The following TCAIM variants were observed in gnomAD, a reference collection of about 807,000 sequenced individuals.
The protein encoded by TCAIM is T cell activation inhibitor, mitochondrial, also known as T-cell activation inhibitor, mitochondrial.
Under a neutral mutation model 58.6 loss-of-function variants are expected in TCAIM, and 36 were observed. The ratio of observed to expected loss-of-function variants is 0.61; its 90% confidence interval spans 0.47 to 0.81. The LOEUF is 0.81. Among genes scored for constraint, TCAIM ranks in the 30% least tolerant of loss-of-function variants. TCAIM has a pLI of 0.00. For missense variants in TCAIM, 466 were observed against 579.6 expected (o/e 0.80, Z 2.01); for synonymous variants, 172 against 193.6 (o/e 0.89, Z 0.93).
intron 1 of TCAIM, among the ~76,000 whole-genome samples, chr3:44,354,108 G>C (rs887637370): frequency 6.6e-6 from 1 of 152,172 alleles, no homozygotes; most frequent in Non-Finnish European, 1.5e-5. Context: ...TGTAAGGTCT[G>C]TGTCCAGGTT....
intron 6 of TCAIM, among the ~76,000 whole-genome samples, chr3:44,393,292 T>C (rs1377477339): frequency 2.0e-5 from 3 of 151,544 alleles, no homozygotes. Flanking sequence ...ACCCCATCTC[T>C]ACAAAAACTT....
At chr3:44,387,319 C>T (rs57489475) in intron 5 of TCAIM, among the ~76,000 whole-genome samples, 21,092 of 152,244 alleles carry the variant, frequency 0.14, 1,511 homozygotes, top group Admixed American at 0.17. Context: ...TGTCCACATA[C>T]TTCATTCTTC....
At chr3:44,391,990 A>C (rs573239497) in intron 5 of TCAIM, among the ~76,000 whole-genome samples, 5 of 152,194 alleles carry the variant, frequency 3.3e-5, no homozygotes, top group Admixed American at 6.5e-5. Context: ...TATTAGTTCT[A>C]CCCTCCCATA....
chr3:44,387,775 C>G (rs1029376242), intron 5 of TCAIM, among the ~76,000 whole-genome samples: 2 of 152,214 alleles, frequency 1.3e-5, no homozygotes, highest in Admixed American at 1.3e-4. Flanking sequence ...CAGGCAAAGA[C>G]ACTACCAACC....
At chr3:44,401,991 C>G (rs1157291810) in intron 10 of TCAIM, among the ~76,000 whole-genome samples, 3 of 151,928 alleles carry the variant, frequency 2.0e-5, no homozygotes, top group Admixed American at 6.6e-5. Flanking sequence ...CGAGATCATG[C>G]CACTGCACTC....
chr3:44,373,535 T>A (rs765378154), intron 5 of TCAIM, among the ~76,000 whole-genome samples: 3 of 150,726 alleles, frequency 2.0e-5, no homozygotes, highest in Non-Finnish European at 2.9e-5. Flanking sequence ...ATGCCTGTAG[T>A]CCCAGCTACT....
intron 1 of TCAIM, among the ~76,000 whole-genome samples, chr3:44,345,465 G>A (rs1028862840): frequency 1.3e-5 from 2 of 152,086 alleles, no homozygotes; most frequent in Non-Finnish European, 2.9e-5. Context: ...GTTTTTTTAT[G>A]TTGTCATATA....
At chr3:44,367,786 C>A (rs866593493) in intron 5 of TCAIM, 78 bp downstream of exon 5, 44 of 1,357,774 alleles carry the variant, frequency 3.2e-5, no homozygotes, top group Non-Finnish European at 2.5e-5. Flanking sequence ...ATGGCAAAAA[C>A]ATTTTTTTAT....
At chr3:44,368,990 T>G (rs1701422730) in intron 5 of TCAIM, among the ~76,000 whole-genome samples, 1 of 152,104 alleles carries the variant, frequency 6.6e-6, no homozygotes, top group African/African-American at 2.4e-5. Context: ...GCCACTGCAC[T>G]CCAGCCTGGG....
intron 3 of TCAIM, among the ~76,000 whole-genome samples, chr3:44,360,201 C>T (rs953140030): frequency 2.0e-5 from 3 of 151,898 alleles, no homozygotes; most frequent in East Asian, 1.9e-4. Flanking sequence ...TTTCCATGTA[C>T]CCTATTTCCT....
intron 1 of TCAIM, among the ~76,000 whole-genome samples, chr3:44,342,011 TCA>T (rs1700863954): frequency 6.6e-6 from 1 of 152,214 alleles, no homozygotes; most frequent in Admixed American, 6.5e-5. Flanking sequence ...CCAGATAACT[TCA>T]GTGAGCATCA....
chr3:44,400,513 T>C lies in TCAIM; in HGVS notation c.1044T>C (p.Phe348=). Reference sequence around the variant, plus strand: ...AATATTACTCTCTTCTTGATGTGTTTTATAATAGACTGTTGAAAAGTAGAA... The same window carrying C: ...AATATTACTCTCTTCTTGATGTGTTCTATAATAGACTGTTGAAAAGTAGAA... ...LEEYYSLLDV[F]YNRLLKSRIL... The change falls in exon 9 of 11, where the codon TTT becomes TTC. Residue 348 remains phenylalanine, a synonymous_variant. Transcript: ENST00000342649. 1 of 1,613,806 alleles carries C rather than the reference T, an allele frequency of 6.2e-7. No individual in the cohort carries two copies. The highest frequency in any genetic ancestry group is 1.7e-5 in the Admixed American group (1 of 60,008).
intron 5 of TCAIM, among the ~76,000 whole-genome samples, chr3:44,386,043 C>G (rs1258878077): frequency 6.7e-6 from 1 of 150,284 alleles, no homozygotes. Context: ...AATTTCAGAC[C>G]CACAGAAAAT....
intron 5 of TCAIM, among the ~76,000 whole-genome samples, chr3:44,386,134 G>A (rs934076335): frequency 1.5e-5 from 2 of 132,106 alleles, no homozygotes; most frequent in African/African-American, 5.9e-5. Context: ...AATCACTTGA[G>A]CCCAGGAGGC....
chr3:44,383,809 CAAAAAAAAAAAA>C (rs71089100), intron 5 of TCAIM, among the ~76,000 whole-genome samples: 3 of 95,418 alleles, frequency 3.1e-5, no homozygotes, highest in African/African-American at 4.3e-5. Context: ...CCTGTCTCTA[CAAAAAAAAAAAA>C]AAAAAAAAAA....
rs868213089 is a variant in TCAIM at position 44,407,837 on chromosome 3, C to G, written c.*155C>G. Reference sequence around the variant, plus strand: ...ACTTTTTTAAAAAAATTAATTTCTGCTAGGAGAGGTTTTATATGCCAGGCG... The same window carrying G: ...ACTTTTTTAAAAAAATTAATTTCTGGTAGGAGAGGTTTTATATGCCAGGCG... On this transcript the variant is annotated 3_prime_UTR_variant, in exon 11 of 11. Transcript: ENST00000342649. 1.5e-5 allele frequency: 13 copies of G among 862,452 alleles called. No individual in the cohort carries two copies. The highest frequency in any genetic ancestry group is 1.1e-4 in the Admixed American group (3 of 27,982). The allele number at this position is 862,452 out of a possible 1,614,324, so 53.4% of individuals were successfully genotyped here. A position where few individuals can be genotyped will look rare whatever the true frequency, so the allele number is the denominator to read the frequency against.
At position 44,357,251 on chromosome 3, in the gene TCAIM, C is replaced by A. The variant is rs948832137; in HGVS notation, c.30-490C>A. Among the ~76,000 whole-genome samples the A allele has an allele frequency of 6.6e-5, 10 of 150,926 alleles. 1 individual carries two copies. The highest frequency in any genetic ancestry group is 4.2e-4 in the South Asian group (2 of 4,752). On this transcript the variant is annotated intron_variant, in intron 2 of 10. Coordinates refer to ENST00000342649, the MANE Select transcript of TCAIM (RefSeq NM_173826.4). ...GGTGTGGTGGCACGTGCCTGTAGTT[C>A]CAGCTACTTGGGAGGGTAAGGTGGG...
At chr3:44,362,404 C>G in intron 4 of TCAIM, 1 of 400,894 alleles carries the variant, frequency 2.5e-6, no homozygotes, top group Non-Finnish European at 4.4e-6. Flanking sequence ...ACACCTCACC[C>G]TCCCCCGGCT....
intron 5 of TCAIM, among the ~76,000 whole-genome samples, chr3:44,375,719 G>A (rs1159189107): frequency 1.3e-5 from 2 of 152,144 alleles, no homozygotes; most frequent in Non-Finnish European, 2.9e-5. Context: ...TTGGTGAGCA[G>A]GTAGGGAAAT....
Sources: gnomAD v4.1 joint callset for allele counts (sites outside exome capture counted in the v4.1 genomes callset) on GRCh38, gnomAD v4.1.1 for gene constraint, MANE v1.5 for transcripts, NCBI Gene and HGNC (gene_info 2026-07-23, HGNC 2026-07-21) for gene names.